PAK3: variants seen among roughly 807,000 people sequenced by gnomAD.
PAK3 encodes p21 (RAC1) activated kinase 3.
A neutral mutation model predicts 41.0 loss-of-function variants in PAK3; 4 were observed. That is an observed-to-expected ratio of 0.10 (90% CI 0.05 to 0.22). The LOEUF (loss-of-function observed/expected upper bound fraction) is 0.22. Ranked by LOEUF, PAK3 falls within the 10% of genes least tolerant of loss-of-function variation. The pLI is 1.00. For synonymous variants in PAK3, 146 were observed against 139.6 expected (o/e 1.05, Z -0.32); for missense variants, 205 against 409.9 (o/e 0.50, Z 4.32).
At chrX:111,078,651 T>C (rs1312031737) in intron 1 of PAK3, among the ~76,000 whole-genome samples, 1 of 110,676 alleles carries the variant, frequency 9.0e-6, no homozygotes, top group African/African-American at 3.3e-5. Context: ...CCCAAAACAG[T>C]CTCTAAGCAT....
intron 15 of PAK3, among the ~76,000 whole-genome samples, 176 bp from the exon 16 acceptor site, chrX:111,196,268 A>G (rs760898381): frequency 8.9e-6 from 1 of 112,339 alleles, no homozygotes; most frequent in Non-Finnish European, 1.9e-5. Context: ...TTAGTCAATT[A>G]TTTCAGACCT....
chrX:111,170,784 G>C (rs2094327933), intron 10 of PAK3, among the ~76,000 whole-genome samples: 1 of 111,149 alleles, frequency 9.0e-6, no homozygotes, highest in Non-Finnish European at 1.9e-5. Context: ...CACATGCAAA[G>C]CCCTAAGCAC....
chrX:111,194,265 C>A, intron 13 of PAK3, 36 bp from the exon 14 acceptor site: 2 of 831,296 alleles, frequency 2.4e-6, no homozygotes. Context: ...GGTTTTTTAG[C>A]GTCATAAGGC....
chrX:110,958,761 C>G (rs2090917513), intron 1 of PAK3, among the ~76,000 whole-genome samples: 1 of 111,208 alleles, frequency 9.0e-6, no homozygotes, highest in African/African-American at 3.3e-5. Flanking sequence ...TGTTCTCTCC[C>G]TAGGTAGGTT....
intron 1 of PAK3, among the ~76,000 whole-genome samples, chrX:111,000,813 G>A (rs772529803): frequency 4.5e-5 from 5 of 111,819 alleles, no homozygotes; most frequent in Admixed American, 9.5e-5. Context: ...CTTAAGTGCT[G>A]GAATTGACAG....
chrX:111,091,535 A>G (rs1376650410), upstream of PAK3, among the ~76,000 whole-genome samples: 1 of 112,037 alleles, frequency 8.9e-6, no homozygotes, highest in Non-Finnish European at 1.9e-5. Context: ...TTTCCAGGAA[A>G]GAACTCGAAG....
chrX:111,034,639 T>C lies in PAK3; in HGVS notation c.-27-88438T>C, dbSNP rs1337946260. Among the ~76,000 whole-genome samples, 4 of 111,557 alleles carry C rather than the reference T, an allele frequency of 3.6e-5. No individual in the cohort carries two copies. In the Admixed American group the frequency reaches 3.8e-4, roughly 11 times the overall value. ...GACAACATCTGCATCCTGTCTGAGG[T>C]GCTGCACCCCCTTGAAACTGACCTT... On this transcript the variant is annotated intron_variant, in intron 1 of 14. Coordinates refer to the PAK3 transcript ENST00000425146.
intron 1 of PAK3, among the ~76,000 whole-genome samples, chrX:111,042,177 C>G (rs981918358): frequency 9.0e-6 from 1 of 111,620 alleles, no homozygotes; most frequent in Admixed American, 9.5e-5. Flanking sequence ...GTGGTACCCT[C>G]GAATAGTTCT....
At chrX:111,054,290 T>A (rs1325064115) in intron 1 of PAK3, among the ~76,000 whole-genome samples, 2 of 112,562 alleles carry the variant, frequency 1.8e-5, no homozygotes, top group Admixed American at 9.4e-5. Flanking sequence ...CATCTCACCA[T>A]ATGCCCAGTG....
chrX:111,012,462 C>A (rs1421531042), intron 1 of PAK3, among the ~76,000 whole-genome samples: 1 of 111,742 alleles, frequency 8.9e-6, no homozygotes, highest in African/African-American at 3.3e-5. Flanking sequence ...ATTCTCCTGC[C>A]TTTTCTAGCC....
intron 1 of PAK3, among the ~76,000 whole-genome samples, chrX:110,955,208 AAACCCTAACCTAATGCC>A (rs2090830442): frequency 8.9e-6 from 1 of 112,259 alleles, no homozygotes; most frequent in Non-Finnish European, 1.9e-5. Flanking sequence ...ATCCATCCTT[AAACCCTAACCTAATGCC>A]CTTTTTGAAG....
chrX:111,177,585 C>A (rs996950876), intron 11 of PAK3, among the ~76,000 whole-genome samples: 2 of 112,152 alleles, frequency 1.8e-5, no homozygotes, highest in African/African-American at 6.5e-5. Flanking sequence ...CCAAAATTAT[C>A]ATTAACTCAA....
intron 1 of PAK3, among the ~76,000 whole-genome samples, chrX:111,068,214 G>A (rs769532076): frequency 2.3e-4 from 26 of 111,344 alleles, no homozygotes; most frequent in Non-Finnish European, 4.5e-4. Context: ...TCGTTTTATG[G>A]ATCATCTATA....
chrX:110,956,803 C>T (rs1377979308), intron 1 of PAK3, among the ~76,000 whole-genome samples: 1 of 111,669 alleles, frequency 9.0e-6, no homozygotes, highest in Non-Finnish European at 1.9e-5. Flanking sequence ...AGTCTCCTCC[C>T]CACATAATAT....
At chrX:111,192,474 T>C in intron 12 of PAK3, 32 bp from the exon 13 acceptor site, 1 of 734,201 alleles carries the variant, frequency 1.4e-6, no homozygotes, top group Non-Finnish European at 2.2e-6. Context: ...ATAATGATTG[T>C]AATTCATTCT....
At chrX:111,069,884 G>T (rs187238699) in intron 1 of PAK3, among the ~76,000 whole-genome samples, 7 of 111,192 alleles carry the variant, frequency 6.3e-5, no homozygotes, top group Admixed American at 4.8e-4. Context: ...CCTTAATTGG[G>T]GTCTTTTGCA....
intron 1 of PAK3, among the ~76,000 whole-genome samples, chrX:111,026,036 C>G (rs1367191579): frequency 9.0e-6 from 1 of 111,505 alleles, no homozygotes; most frequent in Non-Finnish European, 1.9e-5. Context: ...ACCACATAAA[C>G]AGAATGTAAA....
At chrX:111,203,275 G>A (rs1052834285) in intron 16 of PAK3, among the ~76,000 whole-genome samples, 2 of 111,832 alleles carry the variant, frequency 1.8e-5, no homozygotes, top group Non-Finnish European at 3.8e-5. Context: ...AAGCCTAATT[G>A]AAGTCCTGAT....
intron 11 of PAK3, among the ~76,000 whole-genome samples, chrX:111,179,078 A>G (rs1281372525): frequency 9.4e-6 from 1 of 106,261 alleles, no homozygotes; most frequent in Non-Finnish European, 1.9e-5. Flanking sequence ...TTTCATTTTC[A>G]TATTTAAAAC....
Sources: allele counts gnomAD v4.1 joint callset (sites outside exome capture counted in the v4.1 genomes callset), GRCh38; gene constraint gnomAD v4.1.1; transcripts MANE v1.5; gene names NCBI Gene and HGNC (gene_info 2026-07-23, HGNC 2026-07-21).